EDEM2: variants seen among roughly 807,000 people sequenced by gnomAD.
EDEM2 encodes ER degradation enhancing alpha-mannosidase like protein 2.
EDEM2 carries 39 observed loss-of-function variants against 64.8 expected under a neutral mutation model. That is an observed-to-expected ratio of 0.60 (90% confidence interval 0.47 to 0.79). The LOEUF (loss-of-function observed/expected upper bound fraction) is 0.79. Ranked by LOEUF, EDEM2 falls within the 30% of genes least tolerant of loss-of-function variation. The pLI is 0.00. For synonymous variants in EDEM2, 296 were observed against 291.5 expected, an observed-to-expected ratio of 1.02 and a Z score of -0.16; for missense variants, 609 against 731.3, an observed-to-expected ratio of 0.83 and a Z score of 1.93.
rs756852599 is a variant in EDEM2 at position 35,119,822 on chromosome 20, CA to C, written c.1115-1104del. Among the ~76,000 whole-genome samples the C allele has an allele frequency of 7.7e-4, 116 of 151,558 alleles. 1 individual carries two copies. Among genetic ancestry groups the C allele is most frequent in the African/African-American group, 2.4e-3 (99 of 41,362 alleles). On this transcript the variant is annotated intron_variant, in intron 9 of 10. Transcript: ENST00000374492. ...TATTTATTCTAGAGATAAGGAAATC[CA>C]AAAAAAATGTGTTTATTGCTTTCAA...
rs1457473381 is a variant in EDEM2, at chr20:35,137,867, G to A, written c.490+13C>T. On this transcript the variant is annotated intron_variant, in intron 5 of 10. Coordinates refer to ENST00000374492, the MANE Select transcript of EDEM2 (RefSeq NM_018217.3). Reference sequence around the variant, plus strand: ...TGGACTTCGTCTCTGCCCCATCTCTGTGTGGGTCTTACCTGGGAGGAGTTT... The same window carrying A: ...TGGACTTCGTCTCTGCCCCATCTCTATGTGGGTCTTACCTGGGAGGAGTTT... 6.2e-7 allele frequency: 1 copy of A among 1,613,688 alleles called. No individual in the cohort carries two copies. Among genetic ancestry groups the A allele is most frequent in the Non-Finnish European group, 8.5e-7 (1 of 1,179,744 alleles).
chr20:35,119,865 T>A (rs2085348489), intron 9 of EDEM2, among the ~76,000 whole-genome samples: 1 of 152,164 alleles, frequency 6.6e-6, no homozygotes, highest in Non-Finnish European at 1.5e-5. Flanking sequence ...GAAGAACTGT[T>A]GTAGAGTTGA....
chr20:35,124,094 C>T, intron 8 of EDEM2, 60 bp from the exon 9 acceptor site: 1 of 1,568,264 alleles, frequency 6.4e-7, no homozygotes. Context: ...CACAGACAAC[C>T]TTAAGAAAAG....
intron 9 of EDEM2, among the ~76,000 whole-genome samples, chr20:35,122,394 AT>A (rs1185463711): frequency 6.6e-6 from 1 of 151,990 alleles, no homozygotes; most frequent in South Asian, 2.1e-4. Context: ...TTTTTTTGAG[AT>A]GGAGTTTTGC....
At chr20:35,141,017 G>T (rs768104500) in intron 4 of EDEM2, among the ~76,000 whole-genome samples, 9 of 151,660 alleles carry the variant, frequency 5.9e-5, no homozygotes, top group Non-Finnish European at 1.3e-4. Flanking sequence ...CTACATAGGA[G>T]GCTGAGACAG....
At chr20:35,120,931 C>G (rs948517276) in intron 9 of EDEM2, among the ~76,000 whole-genome samples, 1 of 152,176 alleles carries the variant, frequency 6.6e-6, no homozygotes, top group Non-Finnish European at 1.5e-5. Context: ...GGCCAGTGCC[C>G]TCATGACCAG....
At chr20:35,131,178 G>A (rs1009459563) in intron 7 of EDEM2, among the ~76,000 whole-genome samples, 1 of 152,204 alleles carries the variant, frequency 6.6e-6, no homozygotes, top group African/African-American at 2.4e-5. Context: ...GTTGGCTTTT[G>A]CAAGAAGGCA....
chr20:35,126,523 G>A (rs1247886003), intron 7 of EDEM2, 148 bp from the exon 8 acceptor site: 1 of 1,006,612 alleles, frequency 9.9e-7, no homozygotes, highest in East Asian at 2.5e-5. Flanking sequence ...GGATTCTGGA[G>A]TCAAACTTCC....
chr20:35,137,964 C>A lies in EDEM2; in HGVS notation c.406G>T (p.Ala136Ser). Residue 136 changes from alanine to serine, a missense_variant, in exon 5 of 11, where the codon GCT (alanine) becomes TCT (serine). Ala to Ser is a moderately conservative substitution (Grantham distance 99, BLOSUM62 1). Transcript: ENST00000374492. ...CATCCAGCCTCTACTTCCACCCCAG[C>A]CTTCTTGGAGAGCAGATGAGCAGAC... ...LLSAHLLSKK[A>S]GVEVEAGWPC... is the part of the protein sequence containing the mutation. 1 of 1,614,212 alleles carries A rather than the reference C, an allele frequency of 6.2e-7. No homozygotes were observed. The highest frequency in any genetic ancestry group is 1.1e-5 in the South Asian group (1 of 91,086).
chr20:35,134,392 T>C (rs1190100481), intron 6 of EDEM2, among the ~76,000 whole-genome samples: 2 of 151,978 alleles, frequency 1.3e-5, no homozygotes, highest in Non-Finnish European at 2.9e-5. Context: ...ACACAGCAAA[T>C]ACAGATAGAC....
At chr20:35,142,285 T>C in intron 4 of EDEM2, 88 bp downstream of exon 4, 1 of 1,077,594 alleles carries the variant, frequency 9.3e-7, no homozygotes, top group East Asian at 2.5e-5. Context: ...GCATGGTCAG[T>C]CCTTAAAATC....
Position 35,147,247 on chromosome 20 carries a change from C to A in EDEM2, c.12G>T (p.Arg4=). The A allele has an allele frequency of 1.3e-6, 2 of 1,588,120 alleles. No individual in the cohort carries two copies. Among genetic ancestry groups the A allele is most frequent in the Non-Finnish European group, 1.7e-6 (2 of 1,165,336 alleles). Residue 4 remains arginine (R), a synonymous_variant, in exon 1 of 11, where the codon CGG becomes CGT. Transcript: ENST00000374492. The part of the protein sequence containing the change: MPF[R]LLIPLGLLCA... ...ACAGGAGGCCGAGCGGGATGAGCAGCCGGAAAGGCATAGAGCTCGTGTCCT... is the reference window on the plus strand; with the variant it reads ...ACAGGAGGCCGAGCGGGATGAGCAGACGGAAAGGCATAGAGCTCGTGTCCT...
At chr20:35,119,822 C>CA (rs756852599) in intron 9 of EDEM2, among the ~76,000 whole-genome samples, 3 of 151,444 alleles carry the variant, frequency 2.0e-5, no homozygotes, top group Non-Finnish European at 4.4e-5. Context: ...TAAGGAAATC[C>CA]AAAAAAAATG....
chr20:35,131,843 C>T, intron 6 of EDEM2, 60 bp from the exon 7 acceptor site: 1 of 1,583,320 alleles, frequency 6.3e-7, no homozygotes, highest in Non-Finnish European at 8.6e-7. Flanking sequence ...GAAGGATCTA[C>T]TCACCCCCAA....
intron 5 of EDEM2, among the ~76,000 whole-genome samples, chr20:35,136,401 C>T (rs1370770171): frequency 2.0e-5 from 3 of 152,150 alleles, no homozygotes; most frequent in Admixed American, 2.0e-4. Context: ...ATGAGTGAGA[C>T]CTGAACCTAG....
chr20:35,133,795 C>T (rs954531842), intron 6 of EDEM2, among the ~76,000 whole-genome samples: 1 of 152,106 alleles, frequency 6.6e-6, no homozygotes, highest in Non-Finnish European at 1.5e-5. Flanking sequence ...AAGGGATTTT[C>T]GGGGAGTCCT....
At position 35,124,049 on chromosome 20, in the gene EDEM2, G is replaced by T; in HGVS notation, c.970-15C>A. ...CCAATGAGGCTCTGTGGGAGAAAGT[G>T]GCTGTCAGGCAGGTAGACACCAGGC... On this transcript the variant is annotated splice_polypyrimidine_tract_variant and intron_variant, in intron 8 of 10. Coordinates refer to ENST00000374492, the MANE Select transcript of EDEM2 (RefSeq NM_018217.3). 3 of 1,608,358 alleles carry T rather than the reference G, an allele frequency of 1.9e-6. 1 individual carries two copies. The South Asian group carries it at 3.3e-5, about 18-fold the overall frequency.
chr20:35,130,059 C>G (rs1225009916), intron 7 of EDEM2, among the ~76,000 whole-genome samples: 1 of 152,062 alleles, frequency 6.6e-6, no homozygotes, highest in Non-Finnish European at 1.5e-5. Context: ...ATTCTTAATT[C>G]ATTAAATTTT....
At chr20:35,124,240 T>C (rs2085403433) in intron 8 of EDEM2, among the ~76,000 whole-genome samples, 1 of 152,148 alleles carries the variant, frequency 6.6e-6, no homozygotes, top group Non-Finnish European at 1.5e-5. Flanking sequence ...ACCTATCTCA[T>C]GCATTGTTGG....
Sources: gnomAD v4.1 joint callset for allele counts (sites outside exome capture counted in the v4.1 genomes callset) on GRCh38, gnomAD v4.1.1 for gene constraint, MANE v1.5 for transcripts, NCBI Gene and HGNC (gene_info 2026-07-23, HGNC 2026-07-21) for gene names.